The following PDE12 variants were observed in gnomAD, a reference collection of about 807,000 sequenced individuals.
PDE12 encodes phosphodiesterase 12.
PDE12 carries 26 observed loss-of-function variants against 45.4 expected under a neutral mutation model. The observed-to-expected ratio is 0.57, with a 90% CI of 0.42 to 0.79. PDE12 has a LOEUF of 0.79. Ranked by LOEUF, PDE12 falls within the 30% of genes least tolerant of loss-of-function variation. PDE12 has a pLI of 0.00. For missense variants in PDE12, 668 were observed against 790.0 expected (o/e 0.85, Z 1.85); for synonymous variants, 283 against 323.9 (o/e 0.87, Z 1.36).
chr3:57,602,045 ATGCATGGCC>A, the PDE12 span, among the ~76,000 whole-genome samples: 1 of 151,918 alleles, frequency 6.6e-6, no homozygotes, highest in Non-Finnish European at 1.5e-5. Flanking sequence ...GTGAGCCACC[ATGCATGGCC>A]TGCCTTTGAA....
chr3:57,564,039 G>GA lies in PDE12; in HGVS notation c.*4036dup, dbSNP rs2069754686. 1 of 152,144 alleles carries GA rather than the reference G, an allele frequency of 6.6e-6. No individual in the cohort carries two copies. The highest frequency in any genetic ancestry group is 6.6e-5 in the Admixed American group (1 of 15,266). 9.4% of individuals were successfully genotyped at this position (152,144 alleles called of 1,614,324 possible). A position where few individuals can be genotyped will look rare whatever the true frequency, so the allele number is the denominator to read the frequency against. The stretch of plus-strand genomic sequence containing the variant: ...AATACTAGAGCTGTATTAACTTCGT[G>GA]ATTTTATTTTTCTTCTTAGCACTAA... On this transcript the variant is annotated 3_prime_UTR_variant, in exon 3 of 3. Coordinates refer to ENST00000311180, the MANE Select transcript of PDE12 (RefSeq NM_177966.7).
the PDE12 span, among the ~76,000 whole-genome samples, chr3:57,602,399 T>C: frequency 2.8e-4 from 43 of 152,332 alleles, no homozygotes; most frequent in African/African-American, 1.0e-3. Flanking sequence ...AGTACAAGAA[T>C]ATCTGTGCTT....
At chr3:57,600,474 C>T in the PDE12 span, among the ~76,000 whole-genome samples, 1 of 149,532 alleles carries the variant, frequency 6.7e-6, no homozygotes, top group African/African-American at 2.5e-5. Flanking sequence ...TTCCCTTTTC[C>T]CTCCTCTCCC....
In PDE12 at chr3:57,563,175, C is replaced by T. The variant is rs1052266333; in HGVS notation, c.*3171C>T. 1 of 152,024 alleles carries T rather than the reference C, an allele frequency of 6.6e-6. No individual in the cohort carries two copies. The highest frequency in any genetic ancestry group is 2.4e-5 in the African/African-American group (1 of 41,388). 9.4% of individuals were successfully genotyped at this position (152,024 alleles called of 1,614,324 possible). A position where few individuals can be genotyped will look rare whatever the true frequency, so the allele number is the denominator to read the frequency against. Reference sequence around the variant, plus strand: ...CATGTGACAACTCAGAAAATATTCTCAGCATAATTTTTTTAAGAGATAGAG... The same window carrying T: ...CATGTGACAACTCAGAAAATATTCTTAGCATAATTTTTTTAAGAGATAGAG... On this transcript the variant is annotated 3_prime_UTR_variant, in exon 3 of 3. Coordinates refer to ENST00000311180, the MANE Select transcript of PDE12 (RefSeq NM_177966.7).
At chr3:57,650,831 C>A in the PDE12 span, among the ~76,000 whole-genome samples, 1 of 146,562 alleles carries the variant, frequency 6.8e-6, no homozygotes, top group Admixed American at 7.0e-5. Flanking sequence ...GTTGCCCAGA[C>A]TGGAGTGCAA....
rs763506336 is a variant in PDE12 at position 57,557,183 on chromosome 3, T to C, written c.804T>C (p.Cys268=). Reference sequence around the variant, plus strand: ...ACAGCCGGGAGTTGGAAAGTGTGTGTGTGGTAGAGGCTGGGCCTGGCACCT... The same window carrying C: ...ACAGCCGGGAGTTGGAAAGTGTGTGCGTGGTAGAGGCTGGGCCTGGCACCT... ...FGHSRELESV[C]VVEAGPGTCT... The change falls in exon 1 of 3, where the codon TGT becomes TGC. Residue 268 remains cysteine (C), a synonymous_variant. Coordinates refer to ENST00000311180, the MANE Select transcript of PDE12 (RefSeq NM_177966.7). 5.0e-5 allele frequency: 80 copies of C among 1,613,920 alleles called. No individual in the cohort carries two copies. The highest frequency in any genetic ancestry group is 6.8e-5 in the Non-Finnish European group (80 of 1,180,020).
downstream of PDE12, among the ~76,000 whole-genome samples, chr3:57,567,952 C>A (rs1240815920): frequency 6.6e-6 from 1 of 151,322 alleles, no homozygotes; most frequent in Non-Finnish European, 1.5e-5. Context: ...CCTGTAATCC[C>A]AGCTACTCGG....
At chr3:57,605,258 G>A in the PDE12 span, among the ~76,000 whole-genome samples, 2 of 152,118 alleles carry the variant, frequency 1.3e-5, no homozygotes, top group Non-Finnish European at 2.9e-5. Flanking sequence ...TTCCAGAGAG[G>A]AGAGAGCAGC....
the PDE12 span, chr3:57,631,122 T>C: frequency 1.6e-6 from 1 of 644,960 alleles, no homozygotes; most frequent in Admixed American, 3.1e-5. Flanking sequence ...ACAAGAGATA[T>C]AGCTAAATTT....
At chr3:57,631,719 T>A in the PDE12 span, among the ~76,000 whole-genome samples, 10 of 124,396 alleles carry the variant, frequency 8.0e-5, no homozygotes, top group African/African-American at 2.7e-4. Flanking sequence ...CTGCTCTCTT[T>A]TTTTTTTTTT....
At chr3:57,575,512 T>C in the PDE12 span, 8 of 1,580,646 alleles carry the variant, frequency 5.1e-6, no homozygotes, top group Middle Eastern at 3.4e-4. Context: ...TAAGTCTTAA[T>C]AGTCAAGAGG....
rs1215954453 is a variant in PDE12, at chr3:57,566,266, G to A, written c.*6262G>A. ...ATAATTTATGTAGTCTTTTGTGACTGGCTTCTTTTACTTAGGATGTTTTTA... is the reference window on the plus strand; with the variant it reads ...ATAATTTATGTAGTCTTTTGTGACTAGCTTCTTTTACTTAGGATGTTTTTA... On this transcript the variant is annotated 3_prime_UTR_variant, in exon 3 of 3. Transcript: ENST00000311180. 2.0e-5 allele frequency: 3 copies of A among 152,076 alleles called. No individual in the cohort carries two copies. Among genetic ancestry groups the A allele is most frequent in the African/African-American group, 7.2e-5 (3 of 41,384 alleles). The allele number at this position is 152,076 out of a possible 1,614,324, so 9.4% of individuals were successfully genotyped here. A position where few individuals can be genotyped will look rare whatever the true frequency, so the allele number is the denominator to read the frequency against.
the PDE12 span, among the ~76,000 whole-genome samples, chr3:57,620,367 A>G: frequency 6.6e-6 from 1 of 152,112 alleles, no homozygotes; most frequent in Non-Finnish European, 1.5e-5. Flanking sequence ...CCTCAGCAAC[A>G]TGGCAGAATC....
chr3:57,602,317 A>G, the PDE12 span, among the ~76,000 whole-genome samples: 1 of 152,054 alleles, frequency 6.6e-6, no homozygotes, highest in Non-Finnish European at 1.5e-5. Flanking sequence ...CTCTACTTTG[A>G]TCTCATCTGA....
chr3:57,603,230 A>G, the PDE12 span, among the ~76,000 whole-genome samples: 2 of 152,170 alleles, frequency 1.3e-5, no homozygotes, highest in African/African-American at 4.8e-5. Flanking sequence ...ATCCAAGACT[A>G]TTTACCAGGT....
downstream of PDE12, among the ~76,000 whole-genome samples, chr3:57,570,219 G>GTTTTTTTTTTTTTTTTTTTTTT (rs34599005): frequency 2.9e-5 from 3 of 102,314 alleles, no homozygotes; most frequent in African/African-American, 7.7e-5. Context: ...TTAATCCAGT[G>GTTTTTTTTTTTTTTTTTTTTTT]TTTTTTTTTT....
At chr3:57,569,864 A>G (rs551285062), downstream of PDE12, among the ~76,000 whole-genome samples, 3 of 151,088 alleles carry the variant, frequency 2.0e-5, no homozygotes, top group South Asian at 2.1e-4. Context: ...GTAATTTCCA[A>G]TGGTACTAAG....
chr3:57,653,496 A>G, the PDE12 span, among the ~76,000 whole-genome samples: 12 of 152,178 alleles, frequency 7.9e-5, no homozygotes, highest in Non-Finnish European at 5.9e-5. Context: ...CTGTAATCCC[A>G]GCACTTTGGG....
the PDE12 span, among the ~76,000 whole-genome samples, chr3:57,600,530 C>T: frequency 6.6e-6 from 1 of 151,064 alleles, no homozygotes; most frequent in Non-Finnish European, 1.5e-5. Flanking sequence ...TCCCAAGTAG[C>T]TGGGACCACA....
Sources: gnomAD v4.1 joint callset for allele counts (sites outside exome capture counted in the v4.1 genomes callset) on GRCh38, gnomAD v4.1.1 for gene constraint, MANE v1.5 for transcripts, NCBI Gene and HGNC (gene_info 2026-07-23, HGNC 2026-07-21) for gene names.